The following AIMP1 variants were observed in gnomAD, a reference collection of about 807,000 sequenced individuals.
AIMP1 encodes the protein aminoacyl tRNA synthase complex-interacting multifunctional protein 1.
Under a neutral mutation model 33.1 loss-of-function variants are expected in AIMP1, and 24 were observed. The observed-to-expected ratio is 0.73, with a 90% confidence interval of 0.53 to 1.02. AIMP1 has a LOEUF of 1.02. Among genes scored for constraint, AIMP1 ranks in the 50% least tolerant of loss-of-function variants. The probability of loss-of-function intolerance (pLI) is 0.00; values close to 1 mark genes in which losing one functional copy is unlikely to be tolerated. For synonymous variants in AIMP1, 120 were observed against 121.5 expected (o/e 0.99, Z 0.08); for missense variants, 367 against 364.8 (o/e 1.01, Z -0.05).
upstream of AIMP1, chr4:106,316,305 C>T: frequency 4.3e-6 from 2 of 460,484 alleles, no homozygotes; most frequent in South Asian, 6.5e-5. Context: ...TCCCCTTGCC[C>T]AAACTGGCCA....
In AIMP1 at chr4:106,320,659, T is replaced by TA. The variant is rs1004640859; in HGVS notation, c.-26+4075dup. ...GAACAGCATCATTAATGGGACAGATTAAAAAAAAAAGGAGCCCTGAAAGGA... is the reference window on the plus strand; with the variant it reads ...GAACAGCATCATTAATGGGACAGATTAAAAAAAAAAAGGAGCCCTGAAAGGA... On this transcript the variant is annotated intron_variant, in intron 1 of 6. Transcript: ENST00000672341. Among the ~76,000 whole-genome samples the TA allele has an allele frequency of 3.0e-3, 319 of 107,576 alleles. 2 individuals are homozygous for TA. Among genetic ancestry groups the TA allele is most frequent in the African/African-American group, 8.0e-3 (262 of 32,730 alleles). 70.6% of individuals were successfully genotyped at this position (107,576 alleles called of 152,430 possible).
intron 6 of AIMP1, among the ~76,000 whole-genome samples, chr4:106,345,621 A>G (rs1402407602): frequency 6.6e-6 from 1 of 152,006 alleles, no homozygotes. Context: ...TAGTTTCATT[A>G]CAAGTTCTAA....
intron 6 of AIMP1, among the ~76,000 whole-genome samples, chr4:106,337,525 C>T (rs755311221): frequency 2.6e-4 from 39 of 152,188 alleles, no homozygotes; most frequent in Non-Finnish European, 5.3e-4. Flanking sequence ...CGTGAGGCCT[C>T]TGCAGCCATG....
chr4:106,331,740 C>A lies in AIMP1; in HGVS notation c.460C>A (p.Arg154Ser), dbSNP rs765922436. 1 of 1,613,814 alleles carries A rather than the reference C, an allele frequency of 6.2e-7. No individual in the cohort carries two copies. Among genetic ancestry groups the A allele is most frequent in the Non-Finnish European group, 8.5e-7 (1 of 1,179,960 alleles). Residue 154 changes from arginine (R) to serine (S), a missense_variant, in exon 5 of 7, where the codon CGT becomes AGT. Arg to Ser is a moderately radical substitution (Grantham distance 110). Transcript: ENST00000672341. The stretch of plus-strand genomic sequence containing the variant: ...CGACTCTAAGCCAATAGATGTTTCC[C>A]GTCTGGATCTTCGAATTGGTTGCAT... ...SADSKPIDVS[R>S]LDLRIGCIIT...
chr4:106,336,253 G>GA lies in AIMP1; in HGVS notation c.604-604dup, dbSNP rs748330574. The stretch of plus-strand genomic sequence containing the variant: ...TTGCCATTTTGCCCATGCTGGTCTC[G>GA]AAAAAAAAAAAACACTGGGCTCAAG... On this transcript the variant is annotated intron_variant, in intron 5 of 6. Transcript: ENST00000672341. 2.9e-3 allele frequency among the ~76,000 whole-genome samples: 382 copies of GA among 130,484 alleles called. 2 individuals carry two copies. Among genetic ancestry groups the GA allele is most frequent in the Middle Eastern group, 8.2e-3 (2 of 244 alleles). The allele number at this position is 130,484 out of a possible 152,430, so 85.6% of individuals were successfully genotyped here. A position where few individuals can be genotyped will look rare whatever the true frequency, so the allele number is the denominator to read the frequency against.
chr4:106,337,521 G>T (rs957954147), intron 6 of AIMP1, among the ~76,000 whole-genome samples: 7 of 152,130 alleles, frequency 4.6e-5, no homozygotes, highest in Non-Finnish European at 8.8e-5. Flanking sequence ...TGATCGTGAG[G>T]CCTCTGCAGC....
chr4:106,324,063 AT>A (rs1769370195), intron 1 of AIMP1, among the ~76,000 whole-genome samples: 1 of 152,050 alleles, frequency 6.6e-6, no homozygotes, highest in African/African-American at 2.4e-5. Context: ...TAGGATTGGT[AT>A]TATATAATAA....
At chr4:106,322,939 G>A (rs949563893) in intron 1 of AIMP1, among the ~76,000 whole-genome samples, 1 of 150,804 alleles carries the variant, frequency 6.6e-6, no homozygotes, top group South Asian at 2.1e-4. Context: ...AGCCAAGATC[G>A]TGCCACTGCA....
intron 6 of AIMP1, among the ~76,000 whole-genome samples, chr4:106,342,708 G>A (rs749132523): frequency 6.6e-6 from 1 of 152,120 alleles, no homozygotes; most frequent in Non-Finnish European, 1.5e-5. Flanking sequence ...TGACTTTTGT[G>A]TTAGTGTTCA....
upstream of AIMP1, chr4:106,315,890 ACC>A (rs901166586): frequency 4.6e-5 from 7 of 152,736 alleles, no homozygotes; most frequent in African/African-American, 1.7e-4. Context: ...CACAGACCCC[ACC>A]CACTACGACA....
chr4:106,336,720 A>G lies in AIMP1; in HGVS notation c.604-149A>G, dbSNP rs1579641595. 7.7e-6 allele frequency: 6 copies of G among 780,272 alleles called. No individual in the cohort carries two copies. In the Admixed American group the frequency reaches 1.0e-4, roughly 13 times the overall value. The allele number at this position is 780,272 out of a possible 1,614,324, so 48.3% of individuals were successfully genotyped here. A position where few individuals can be genotyped will look rare whatever the true frequency, so the allele number is the denominator to read the frequency against. ...GTTTATGCAAAGCTTCGTAACAACA[A>G]TAAGAGACTTTGGGCACACAAAGAC... On this transcript the variant is annotated intron_variant, in intron 5 of 6. Coordinates refer to ENST00000672341, the MANE Select transcript of AIMP1 (RefSeq NM_001142416.2).
intron 4 of AIMP1, among the ~76,000 whole-genome samples, chr4:106,331,148 T>C (rs1476293164): frequency 2.6e-5 from 4 of 152,204 alleles, no homozygotes; most frequent in Admixed American, 6.5e-5. Context: ...TGCATTCTGC[T>C]CTAGTTCATT....
At chr4:106,323,419 T>C (rs942310590) in intron 1 of AIMP1, among the ~76,000 whole-genome samples, 1 of 152,214 alleles carries the variant, frequency 6.6e-6, no homozygotes, top group East Asian at 1.9e-4. Flanking sequence ...TTATGGACTA[T>C]TATTTTAACA....
At chr4:106,320,085 T>C (rs914230664) in intron 1 of AIMP1, among the ~76,000 whole-genome samples, 2 of 152,214 alleles carry the variant, frequency 1.3e-5, no homozygotes, top group African/African-American at 4.8e-5. Context: ...TATATGTAGT[T>C]GTTATTATCA....
rs1770389802 is a variant in AIMP1, at chr4:106,348,650, A to G, written c.*958A>G. On this transcript the variant is annotated 3_prime_UTR_variant, in exon 7 of 7. Coordinates refer to ENST00000672341, the MANE Select transcript of AIMP1 (RefSeq NM_001142416.2). ...AATATTGTAAGAGCAATAAAAATTA[A>G]TTGAGGAATTATAAGCCTACAGGTC... The G allele has an allele frequency of 6.6e-6, 1 of 152,106 alleles. No homozygotes were observed. The highest frequency in any genetic ancestry group is 6.6e-5 in the Admixed American group (1 of 15,250). 9.4% of individuals were successfully genotyped at this position (152,106 alleles called of 1,614,324 possible).
At chr4:106,339,621 C>T (rs564070178) in intron 6 of AIMP1, among the ~76,000 whole-genome samples, 2 of 152,246 alleles carry the variant, frequency 1.3e-5, no homozygotes, top group South Asian at 2.1e-4. Flanking sequence ...AGCATGAGAA[C>T]AGACTAACAG....
At chr4:106,329,827 C>T (rs1769606272) in intron 4 of AIMP1, among the ~76,000 whole-genome samples, 1 of 140,620 alleles carries the variant, frequency 7.1e-6, no homozygotes. Flanking sequence ...GCTCTGTCAC[C>T]CAGGCTGGAA....
intron 5 of AIMP1, 134 bp downstream of exon 5, chr4:106,332,017 A>C: frequency 1.2e-6 from 1 of 857,494 alleles, no homozygotes; most frequent in Non-Finnish European, 1.9e-6. Context: ...ATTAGTTTGA[A>C]TGTGGTTAAT....
At position 106,319,935 on chromosome 4, in the gene AIMP1, T is replaced by G. The variant is rs1769149740; in HGVS notation, c.-26+3341T>G. ...ACTGCAGCATCAGACAGACCTGAGT[T>G]TCAATCCTCGTTTACTATGTATTAC... On this transcript the variant is annotated intron_variant, in intron 1 of 6. Coordinates refer to ENST00000672341, the MANE Select transcript of AIMP1 (RefSeq NM_001142416.2). 1.3e-5 allele frequency among the ~76,000 whole-genome samples: 2 copies of G among 152,200 alleles called. 1 individual carries two copies. The highest frequency in any genetic ancestry group is 4.1e-4 in the South Asian group (2 of 4,832).
Sources: allele counts gnomAD v4.1 joint callset (sites outside exome capture counted in the v4.1 genomes callset), GRCh38; gene constraint gnomAD v4.1.1; transcripts MANE v1.5; gene names NCBI Gene and HGNC (gene_info 2026-07-23, HGNC 2026-07-21).